Variants in KIF6 observed in about 807,000 individuals in gnomAD.
KIF6 encodes the protein kinesin-like protein KIF6.
A neutral mutation model predicts 112.7 loss-of-function variants in KIF6; 106 were observed. The ratio of observed to expected loss-of-function variants is 0.94; its 90% CI spans 0.80 to 1.11. The LOEUF is 1.11. Ranked by LOEUF, KIF6 falls within the 50% of genes least tolerant of loss-of-function variation. KIF6 has a pLI of 0.00. For missense variants in KIF6, 929 were observed against 964.0 expected (o/e 0.96, Z 0.48); for synonymous variants, 339 against 339.9 (o/e 1.00, Z 0.03).
intron 3 of KIF6, among the ~76,000 whole-genome samples, chr6:39,682,614 C>T (rs536663324): frequency 2.0e-5 from 3 of 152,260 alleles, no homozygotes; most frequent in African/African-American, 7.2e-5. Flanking sequence ...GAGTCTTGCT[C>T]TGTTGCCCAG....
chr6:39,701,612 C>T (rs1445889990), intron 3 of KIF6, among the ~76,000 whole-genome samples: 2 of 152,194 alleles, frequency 1.3e-5, no homozygotes, highest in East Asian at 1.9e-4. Flanking sequence ...TTCAAGACAG[C>T]AACCGCTGAG....
At chr6:39,356,188 G>A (rs1764670886) in intron 19 of KIF6, among the ~76,000 whole-genome samples, 1 of 151,770 alleles carries the variant, frequency 6.6e-6, no homozygotes, top group South Asian at 2.1e-4. Context: ...TTCTTTGACT[G>A]ATGTTATGGG....
At chr6:39,597,768 A>G (rs1307584039) in intron 6 of KIF6, among the ~76,000 whole-genome samples, 1 of 152,222 alleles carries the variant, frequency 6.6e-6, no homozygotes, top group Non-Finnish European at 1.5e-5. Flanking sequence ...ATATTTGACC[A>G]AGATAATCCA....
chr6:39,357,450 T>A, intron 18 of KIF6, 76 bp from the exon 19 acceptor site: 12 of 240,462 alleles, frequency 5.0e-5, no homozygotes, highest in East Asian at 1.3e-4. Context: ...ATGTAATTCT[T>A]TTTTTTTTTT....
At chr6:39,424,550 C>T (rs13211511) in intron 14 of KIF6, among the ~76,000 whole-genome samples, 24 of 152,270 alleles carry the variant, frequency 1.6e-4, no homozygotes, top group Middle Eastern at 3.4e-3. Context: ...GCCAAGGCAA[C>T]GTGCACAAGT....
chr6:39,384,204 C>A (rs989216459), intron 16 of KIF6, among the ~76,000 whole-genome samples: 1 of 152,198 alleles, frequency 6.6e-6, no homozygotes, highest in Non-Finnish European at 1.5e-5. Flanking sequence ...AACATGAAGG[C>A]TGAAGAAGAG....
chr6:39,718,229 CAAAAAAAAAAAA>C (rs35872391), intron 2 of KIF6, among the ~76,000 whole-genome samples: 3 of 58,948 alleles, frequency 5.1e-5, no homozygotes, highest in African/African-American at 1.4e-4. Context: ...GACTCCATCT[CAAAAAAAAAAAA>C]AAAAAAAAAA....
At chr6:39,505,671 C>A (rs1776382263) in intron 13 of KIF6, among the ~76,000 whole-genome samples, 1 of 152,158 alleles carries the variant, frequency 6.6e-6, no homozygotes, top group Non-Finnish European at 1.5e-5. Flanking sequence ...AACCAAACAA[C>A]CCCATTAAAC....
chr6:39,463,355 A>G (rs1459973643), intron 13 of KIF6, among the ~76,000 whole-genome samples: 3 of 152,130 alleles, frequency 2.0e-5, no homozygotes, highest in Non-Finnish European at 4.4e-5. Context: ...CTATCCAATC[A>G]AATTTCTCTG....
At chr6:39,693,554 C>T (rs1389141189) in intron 3 of KIF6, among the ~76,000 whole-genome samples, 1 of 151,990 alleles carries the variant, frequency 6.6e-6, no homozygotes, top group Non-Finnish European at 1.5e-5. Context: ...TGCACATAAA[C>T]TAGAAAATCT....
At chr6:39,533,419 A>G (rs923821931) in intron 13 of KIF6, among the ~76,000 whole-genome samples, 1 of 152,220 alleles carries the variant, frequency 6.6e-6, no homozygotes, top group Non-Finnish European at 1.5e-5. Context: ...CTAGCACAGC[A>G]GCCTGAGATC....
chr6:39,609,264 C>G (rs899047838), intron 6 of KIF6, among the ~76,000 whole-genome samples: 1 of 152,142 alleles, frequency 6.6e-6, no homozygotes, highest in Non-Finnish European at 1.5e-5. Flanking sequence ...GGAAAGAAAG[C>G]AAGCTGCCCA....
chr6:39,597,203 G>A (rs907616830), intron 6 of KIF6, among the ~76,000 whole-genome samples: 5 of 152,044 alleles, frequency 3.3e-5, no homozygotes, highest in African/African-American at 1.2e-4. Flanking sequence ...TTTGTTTACA[G>A]AAAAAGACAA....
chr6:39,466,537 G>C (rs967741721), intron 13 of KIF6, among the ~76,000 whole-genome samples: 1 of 152,190 alleles, frequency 6.6e-6, no homozygotes, highest in Non-Finnish European at 1.5e-5. Flanking sequence ...ATCTCAGTAA[G>C]AAGAGTAAGA....
chr6:39,591,970 G>A (rs1224052268), intron 7 of KIF6, among the ~76,000 whole-genome samples: 1 of 152,138 alleles, frequency 6.6e-6, no homozygotes, highest in African/African-American at 2.4e-5. Flanking sequence ...AAATTAGCCA[G>A]GTGTGGTGGC....
rs566245520 is a variant in KIF6, at chr6:39,385,024, G to A, written c.1861+598C>T. On this transcript the variant is annotated intron_variant, in intron 16 of 22. Coordinates refer to ENST00000287152, the MANE Select transcript of KIF6 (RefSeq NM_145027.6). Reference sequence around the variant, plus strand: ...ATTTGCATTCTTCATGCGTTAAAGCGGGTTGATCATTGCAGTGGGCAGTAA... The same window carrying A: ...ATTTGCATTCTTCATGCGTTAAAGCAGGTTGATCATTGCAGTGGGCAGTAA... 1.3e-4 allele frequency among the ~76,000 whole-genome samples: 20 copies of A among 152,292 alleles called. No homozygotes were observed. In the East Asian group the frequency reaches 2.1e-3, roughly 16 times the overall value.
rs1331930642 is a variant in KIF6 at position 39,523,548 on chromosome 6, C to T, written c.1645+16455G>A. ...CCAACCAAATGCTTTTGCAACATCA[C>T]AGACCCTCTGTGTGTCCTACACCTC... On this transcript the variant is annotated intron_variant, in intron 13 of 22. Transcript: ENST00000287152. 2.0e-5 allele frequency among the ~76,000 whole-genome samples: 3 copies of T among 150,538 alleles called. No homozygotes were observed. In the East Asian group the frequency reaches 5.9e-4, roughly 29 times the overall value.
At position 39,412,226 on chromosome 6, in the gene KIF6, T is replaced by G. The variant is rs974810031; in HGVS notation, c.1810+7722A>C. ...ATCTCCAAACTATGACAGCAAAACA[T>G]TAAATTTCATGAAGATATCAGTCAT... is the stretch of plus-strand genomic sequence containing the variant. On this transcript the variant is annotated intron_variant, in intron 15 of 22. Coordinates refer to ENST00000287152, the MANE Select transcript of KIF6 (RefSeq NM_145027.6). Among the ~76,000 whole-genome samples, 5 of 152,346 alleles carry G rather than the reference T, an allele frequency of 3.3e-5. No homozygotes were observed. The East Asian group carries it at 9.6e-4, about 29-fold the overall frequency.
intron 15 of KIF6, among the ~76,000 whole-genome samples, chr6:39,410,793 C>T (rs1430549385): frequency 6.6e-6 from 1 of 152,226 alleles, no homozygotes; most frequent in Non-Finnish European, 1.5e-5. Context: ...CTTCACACAG[C>T]TCTCCCTGAG....
Sources: gnomAD v4.1 joint callset for allele counts (sites outside exome capture counted in the v4.1 genomes callset) on GRCh38, gnomAD v4.1.1 for gene constraint, MANE v1.5 for transcripts, NCBI Gene and HGNC (gene_info 2026-07-23, HGNC 2026-07-21) for gene names.